MAP2K1: variants seen among roughly 807,000 people sequenced by gnomAD.
The protein encoded by MAP2K1 is mitogen-activated protein kinase kinase 1, also known as dual specificity mitogen-activated protein kinase kinase 1.
MAP2K1 carries 16 observed loss-of-function variants against 46.3 expected under a neutral mutation model. The observed-to-expected ratio is 0.35, with a 90% CI of 0.23 to 0.52. The LOEUF (loss-of-function observed/expected upper bound fraction) is 0.52. MAP2K1 is among the 20% of genes least tolerant of loss of function. The pLI is 0.94. For synonymous variants in MAP2K1, 183 were observed against 185.6 expected (o/e 0.99, Z 0.11); for missense variants, 263 against 497.1 (o/e 0.53, Z 4.48).
intron 1 of MAP2K1, among the ~76,000 whole-genome samples, chr15:66,431,828 A>G (rs1246471932): frequency 2.0e-5 from 3 of 152,196 alleles, no homozygotes; most frequent in East Asian, 1.9e-4. Flanking sequence ...TCTATTAGCT[A>G]TTCTTCCTGA....
intron 5 of MAP2K1, among the ~76,000 whole-genome samples, chr15:66,468,410 T>C (rs1206094880): frequency 6.6e-6 from 1 of 152,114 alleles, no homozygotes. Flanking sequence ...ATAGCAAAAT[T>C]TACATCATAA....
In MAP2K1 at chr15:66,484,932, A is replaced by G. The variant is rs553782713; in HGVS notation, c.694-58A>G. On this transcript the variant is annotated intron_variant, in intron 6 of 10. Coordinates refer to ENST00000307102, the MANE Select transcript of MAP2K1 (RefSeq NM_002755.4). ...GAAGGGACAGAAGAGAAAATGCATT[A>G]GCAGACCCAGGGGTCCAAGTTAGGT... 33 of 1,388,872 alleles carry G rather than the reference A, an allele frequency of 2.4e-5. No individual in the cohort carries two copies. In the South Asian group the frequency reaches 3.5e-4, roughly 15 times the overall value. 86.0% of individuals were successfully genotyped at this position (1,388,872 alleles called of 1,614,324 possible). A position where few individuals can be genotyped will look rare whatever the true frequency, so the allele number is the denominator to read the frequency against.
intron 10 of MAP2K1, 22 bp from the exon 11 acceptor site, chr15:66,490,480 C>T (rs2140686765): frequency 6.6e-7 from 1 of 1,516,544 alleles, no homozygotes; most frequent in East Asian, 2.3e-5. Flanking sequence ...AACACCACGT[C>T]CTCTCGTTTC....
Position 66,485,140 on chromosome 15 carries a change from G to A in MAP2K1, c.844G>A (p.Asp282Asn), listed in dbSNP as rs780066304. The A allele has an allele frequency of 6.2e-7, 1 of 1,614,074 alleles. No homozygotes were observed. The highest frequency in any genetic ancestry group is 1.7e-5 in the Admixed American group (1 of 60,030). ...ELMFGCQVEG[D>N]AAETPPRPRT... is the part of the protein sequence containing the mutation. ...GATGTTTGGGTGCCAGGTGGAAGGAGATGCGGCTGAGACCCCACCCAGGCC... is the reference window on the plus strand; with the variant it reads ...GATGTTTGGGTGCCAGGTGGAAGGAAATGCGGCTGAGACCCCACCCAGGCC... The change falls in exon 7 of 11, where the codon GAT (aspartate) becomes AAT (asparagine). Residue 282 changes from aspartate to asparagine, a missense_variant. Asp to Asn is a conservative substitution (Grantham distance 23). Transcript: ENST00000307102.
Position 66,401,532 on chromosome 15 carries a change from A to C in MAP2K1, c.80+14105A>C, listed in dbSNP as rs145061660. Among the ~76,000 whole-genome samples, 497 of 152,276 alleles carry C rather than the reference A, an allele frequency of 3.3e-3. 3 individuals carry two copies. Among genetic ancestry groups the C allele is most frequent in the African/African-American group, 0.011 (473 of 41,558 alleles). ...ACTGAATGTAAATCACTATTCTGGG[A>C]GCTGCAGGTAGGTGACTCAAGATGA... is the stretch of plus-strand genomic sequence containing the variant. On this transcript the variant is annotated intron_variant, in intron 1 of 10. Transcript: ENST00000307102.
chr15:66,445,417 A>C (rs1891843372), intron 5 of MAP2K1, among the ~76,000 whole-genome samples: 1 of 152,066 alleles, frequency 6.6e-6, no homozygotes, highest in Non-Finnish European at 1.5e-5. Context: ...AGAAGAACAA[A>C]ACACATTAAA....
In MAP2K1 at chr15:66,489,246, G is replaced by A; in HGVS notation, c.992G>A (p.Ser331Asn). 6.2e-7 allele frequency: 1 copy of A among 1,614,130 alleles called. No homozygotes were observed. The highest frequency in any genetic ancestry group is 2.2e-5 in the East Asian group (1 of 44,884). ...CCAAAACTGCCCAGTGGAGTGTTCA[G>A]TCTGGAATTTCAAGATTTTGTGAAT... ...PPPKLPSGVF[S>N]LEFQDFVNKC... is the part of the protein sequence containing the mutation. The change falls in exon 9 of 11, where the codon AGT (serine) becomes AAT (asparagine). Residue 331 changes from serine (S) to asparagine (N), a missense_variant. By Grantham distance (46) the Ser-to-Asn change is conservative. Around this residue, in one of 4 missense-constraint regions of MAP2K1, gnomAD observed 118 missense variants for 193.0 expected, o/e 0.61. Coordinates refer to ENST00000307102, the MANE Select transcript of MAP2K1 (RefSeq NM_002755.4).
At chr15:66,403,257 C>T (rs2093386795) in intron 1 of MAP2K1, among the ~76,000 whole-genome samples, 1 of 152,098 alleles carries the variant, frequency 6.6e-6, no homozygotes, top group Admixed American at 6.6e-5. Context: ...ATTTTGGTAA[C>T]TATGCAATAT....
At chr15:66,396,725 C>G (rs1039932804) in intron 1 of MAP2K1, among the ~76,000 whole-genome samples, 1 of 151,892 alleles carries the variant, frequency 6.6e-6, no homozygotes, top group Non-Finnish European at 1.5e-5. Flanking sequence ...GCTCTTGTTG[C>G]CCAAGCTGGA....
intron 5 of MAP2K1, among the ~76,000 whole-genome samples, chr15:66,462,666 T>TA (rs1188196918): frequency 1.3e-5 from 2 of 151,486 alleles, no homozygotes; most frequent in African/African-American, 4.8e-5. Flanking sequence ...ACATACATGA[T>TA]AAAAAACCTC....
At chr15:66,446,001 A>T (rs528327743) in intron 5 of MAP2K1, among the ~76,000 whole-genome samples, 1 of 152,256 alleles carries the variant, frequency 6.6e-6, no homozygotes, top group South Asian at 2.1e-4. Context: ...AGGCGGGCAG[A>T]TCACCTGAGG....
intron 1 of MAP2K1, among the ~76,000 whole-genome samples, chr15:66,433,000 G>GTGTGTGTGT (rs1218352699): frequency 6.6e-6 from 1 of 151,142 alleles, no homozygotes; most frequent in Non-Finnish European, 1.5e-5. Flanking sequence ...GTGTGTGTGT[G>GTGTGTGTGT]TTGACAGCTT....
At chr15:66,483,733 T>C (rs895379706) in intron 6 of MAP2K1, among the ~76,000 whole-genome samples, 1 of 151,792 alleles carries the variant, frequency 6.6e-6, no homozygotes, top group African/African-American at 2.4e-5. Context: ...TTTTACAACA[T>C]TTGACATACA....
chr15:66,396,047 C>A (rs1042286668), intron 1 of MAP2K1, among the ~76,000 whole-genome samples: 5 of 151,952 alleles, frequency 3.3e-5, no homozygotes, highest in African/African-American at 9.7e-5. Flanking sequence ...TCACTCTGTC[C>A]CCAGACTGGA....
At chr15:66,466,026 T>C (rs564242957) in intron 5 of MAP2K1, among the ~76,000 whole-genome samples, 9 of 152,298 alleles carry the variant, frequency 5.9e-5, no homozygotes, top group South Asian at 2.1e-4. Flanking sequence ...CCAAGATAAC[T>C]TGGGGCTCCT....
intron 1 of MAP2K1, among the ~76,000 whole-genome samples, chr15:66,389,300 T>G (rs1461319365): frequency 6.6e-6 from 1 of 152,362 alleles, no homozygotes; most frequent in East Asian, 1.9e-4. Flanking sequence ...CAGTGGATTC[T>G]GGCTGAGTGT....
intron 1 of MAP2K1, among the ~76,000 whole-genome samples, chr15:66,428,804 CAG>C (rs1191311256): frequency 1.2e-5 from 1 of 82,478 alleles, no homozygotes; most frequent in African/African-American, 5.4e-5. Context: ...TTTTTTGAGA[CAG>C]GGTCTCATTG....
intron 1 of MAP2K1, among the ~76,000 whole-genome samples, chr15:66,410,545 TA>T (rs576777159): frequency 1.2e-4 from 18 of 152,248 alleles, no homozygotes; most frequent in Admixed American, 2.6e-4. Context: ...ATATTTTTGA[TA>T]TATAATCCAA....
chr15:66,394,800 G>A (rs139065977), intron 1 of MAP2K1, among the ~76,000 whole-genome samples: 58 of 152,232 alleles, frequency 3.8e-4, no homozygotes, highest in African/African-American at 1.3e-3. Context: ...TTGTAGTTTT[G>A]AACTTGGATG....
Sources: allele counts gnomAD v4.1 joint callset (sites outside exome capture counted in the v4.1 genomes callset), GRCh38; gene constraint gnomAD v4.1.1; regional missense constraint gnomAD v4.1.1; transcripts MANE v1.5; gene names NCBI Gene and HGNC (gene_info 2026-07-23, HGNC 2026-07-21).